The following ZNF534 variants were observed in gnomAD, a reference collection of about 807,000 sequenced individuals.
The protein encoded by ZNF534 is zinc finger protein 534.
Under a neutral mutation model 13.6 loss-of-function variants are expected in ZNF534, and 19 were observed. The ratio of observed to expected loss-of-function variants is 1.40; its 90% CI spans 0.97 to 2.05. The LOEUF is 2.05. Among genes scored for constraint, ZNF534 ranks in the 30% most tolerant of loss-of-function variants. The pLI is 0.00. For synonymous variants in ZNF534, 244 were observed against 273.8 expected, an observed-to-expected ratio of 0.89 and a Z score of 1.07; for missense variants, 782 against 796.3, an observed-to-expected ratio of 0.98 and a Z score of 0.22.
chr19:52,441,209 AATC>A lies in ZNF534; in HGVS notation c.*1766_*1768del, dbSNP rs1165810612. ...ATGAGCTGCTGCACCCAGCTTGAGAAATCATATGAATATATGGAATGTACTCCA... is the reference window on the plus strand; with the variant it reads ...ATGAGCTGCTGCACCCAGCTTGAGAAATATGAATATATGGAATGTACTCCA... On this transcript the variant is annotated 3_prime_UTR_variant, in exon 5 of 5. Transcript: ENST00000433050. 1.3e-5 allele frequency among the ~76,000 whole-genome samples: 2 copies of A among 152,168 alleles called. No homozygotes were observed. Among genetic ancestry groups the A allele is most frequent in the Admixed American group, 1.3e-4 (2 of 15,278 alleles).
At chr19:52,449,325 T>C (rs1190667457) in intron 4 of ZNF534, among the ~76,000 whole-genome samples, 1 of 151,130 alleles carries the variant, frequency 6.6e-6, no homozygotes, top group Non-Finnish European at 1.5e-5. Flanking sequence ...TGTGCAGATA[T>C]CACTTTGATA....
chr19:52,433,664 C>T (rs1263765479), intron 2 of ZNF534, among the ~76,000 whole-genome samples: 1 of 152,246 alleles, frequency 6.6e-6, no homozygotes, highest in Non-Finnish European at 1.5e-5. Context: ...CCGTGCCCGG[C>T]AGTAATACCT....
intron 4 of ZNF534, among the ~76,000 whole-genome samples, chr19:52,435,983 C>G (rs2059126865): frequency 7.1e-6 from 1 of 140,728 alleles, no homozygotes; most frequent in Admixed American, 7.7e-5. Flanking sequence ...GTCACCCAGG[C>G]TGGAGTACAG....
At chr19:52,434,236 C>T in intron 3 of ZNF534, 155 bp downstream of exon 3, 2 of 1,115,736 alleles carry the variant, frequency 1.8e-6, no homozygotes, top group Non-Finnish European at 1.2e-6. Flanking sequence ...TGGCTCACGC[C>T]TGTAATCCCA....
At chr19:52,435,020 A>G in intron 3 of ZNF534, 61 bp from the exon 4 acceptor site, 1 of 1,560,714 alleles carries the variant, frequency 6.4e-7, no homozygotes, top group Non-Finnish European at 8.6e-7. Flanking sequence ...TCCTACCTAA[A>G]TATAGGGCTT....
At chr19:52,433,425 G>A (rs1335412465) in intron 2 of ZNF534, among the ~76,000 whole-genome samples, 1 of 151,902 alleles carries the variant, frequency 6.6e-6, no homozygotes, top group Non-Finnish European at 1.5e-5. Context: ...GGAGTGCAGT[G>A]GCGCAATCTC....
rs1238554488 is a variant in ZNF534 at position 52,439,171 on chromosome 19, A to G, written c.1711A>G (p.Ile571Val). ...RNSHLARHRN[I>V]HTGEKPHSCN... Reference sequence around the variant, plus strand: ...TTCACACCTTGCGCGACATAGGAATATTCATACTGGAGAGAAGCCTCACAG... The same window carrying G: ...TTCACACCTTGCGCGACATAGGAATGTTCATACTGGAGAGAAGCCTCACAG... Residue 571 changes from isoleucine to valine, a missense_variant, in exon 5 of 5, where the codon ATT (isoleucine) becomes GTT (valine). Physicochemically the swap from Ile to Val is conservative, Grantham distance 29. Coordinates refer to ENST00000433050, the MANE Select transcript of ZNF534 (RefSeq NM_001143938.3). The G allele has an allele frequency of 1.3e-6, 2 of 1,545,328 alleles. No homozygotes were observed. The highest frequency in any genetic ancestry group is 1.7e-4 in the Middle Eastern group (1 of 5,866).
intron 4 of ZNF534, among the ~76,000 whole-genome samples, chr19:52,449,795 G>A (rs2059206697): frequency 6.6e-6 from 1 of 152,178 alleles, no homozygotes; most frequent in Admixed American, 6.5e-5. Flanking sequence ...GCTGAAGCAG[G>A]TGGATCACGA....
intron 3 of ZNF534, among the ~76,000 whole-genome samples, chr19:52,434,607 T>A (rs1416245309): frequency 6.6e-6 from 1 of 151,828 alleles, no homozygotes; most frequent in Non-Finnish European, 1.5e-5. Context: ...GGTACATGCC[T>A]GTAGTCCCAG....
intron 1 of ZNF534, 104 bp from the exon 2 acceptor site, chr19:52,431,304 G>C: frequency 6.0e-6 from 5 of 832,934 alleles, no homozygotes; most frequent in Non-Finnish European, 9.5e-6. Flanking sequence ...AGGCAGCAGA[G>C]GACCATCCTT....
Position 52,434,071 on chromosome 19 carries a change from G to T in ZNF534, c.132G>T (p.Leu44=). The change falls in exon 3 of 5, where the codon CTG becomes CTT. Residue 44 remains leucine (L), a synonymous_variant. Transcript: ENST00000433050. ...TGATGTTAGAGAACTACAGGAACCT[G>T]GTCTCCCTAGGTGAGGATAATGTCC... The part of the protein sequence containing the change: ...RDVMLENYRN[L]VSLGICLPDL... 1 of 1,614,008 alleles carries T rather than the reference G, an allele frequency of 6.2e-7. No individual in the cohort carries two copies. The highest frequency in any genetic ancestry group is 8.5e-7 in the Non-Finnish European group (1 of 1,179,966).
chr19:52,447,696 T>C, intron 4 of ZNF534, among the ~76,000 whole-genome samples: 1 of 152,056 alleles, frequency 6.6e-6, no homozygotes, highest in East Asian at 1.9e-4. Flanking sequence ...TTTTATTTTT[T>C]TCTTCTCATA....
At chr19:52,429,937 C>CT (rs968020045) in intron 1 of ZNF534, among the ~76,000 whole-genome samples, 19 of 150,260 alleles carry the variant, frequency 1.3e-4, no homozygotes, top group Admixed American at 3.3e-4. Flanking sequence ...TATCTCAGTG[C>CT]TTTTTTTTCA....
intron 4 of ZNF534, among the ~76,000 whole-genome samples, chr19:52,435,428 G>A (rs1162761617): frequency 3.3e-5 from 5 of 152,130 alleles, no homozygotes; most frequent in African/African-American, 1.2e-4. Flanking sequence ...TAGTGTTTGG[G>A]AAACTCTGCA....
At chr19:52,448,972 T>C (rs2059203472) in intron 4 of ZNF534, among the ~76,000 whole-genome samples, 1 of 152,320 alleles carries the variant, frequency 6.6e-6, no homozygotes, top group Non-Finnish European at 1.5e-5. Flanking sequence ...CTGGTTTTTT[T>C]TGGTACCCAT....
intron 4 of ZNF534, among the ~76,000 whole-genome samples, chr19:52,436,807 T>C (rs1019953085): frequency 1.3e-5 from 2 of 152,196 alleles, no homozygotes; most frequent in Non-Finnish European, 2.9e-5. Context: ...TGATTTCCCC[T>C]GTGTTTGTTA....
chr19:52,429,356 C>T (rs1385349562), intron 1 of ZNF534, 112 bp downstream of exon 1: 1 of 152,240 alleles, frequency 6.6e-6, no homozygotes, highest in Non-Finnish European at 1.5e-5. Flanking sequence ...GCTCTATCCA[C>T]TCCAAGTAAA....
In ZNF534 at chr19:52,435,229, G is replaced by C; in HGVS notation, c.271+20G>C. 6.3e-7 allele frequency: 1 copy of C among 1,595,044 alleles called. No homozygotes were observed. Among genetic ancestry groups the C allele is most frequent in the Non-Finnish European group, 8.5e-7 (1 of 1,171,914 alleles). On this transcript the variant is annotated intron_variant, in intron 4 of 4. Coordinates refer to ENST00000433050, the MANE Select transcript of ZNF534 (RefSeq NM_001143938.3). ...ACACAGGTGAGAGCTCAGGTGGGCA[G>C]AGTGGAGGCCCCATAATTTTTGTAT...
Position 52,435,217 on chromosome 19 carries a change from C to T in ZNF534, c.271+8C>T, listed in dbSNP as rs779615997. The stretch of plus-strand genomic sequence containing the variant: ...TCAAAGGTGTGAACACAGGTGAGAG[C>T]TCAGGTGGGCAGAGTGGAGGCCCCA... On this transcript the variant is annotated splice_region_variant and intron_variant, in intron 4 of 4. Coordinates refer to ENST00000433050, the MANE Select transcript of ZNF534 (RefSeq NM_001143938.3). 5 of 1,602,534 alleles carry T rather than the reference C, an allele frequency of 3.1e-6. No homozygotes were observed. In the African/African-American group the frequency reaches 5.4e-5, roughly 17 times the overall value.
Sources: allele counts gnomAD v4.1 joint callset (sites outside exome capture counted in the v4.1 genomes callset), GRCh38; gene constraint gnomAD v4.1.1; transcripts MANE v1.5; gene names NCBI Gene and HGNC (gene_info 2026-07-23, HGNC 2026-07-21).